KALRN: variants seen among roughly 807,000 people sequenced by gnomAD.
The protein encoded by KALRN is kalirin RhoGEF kinase.
KALRN carries 70 observed loss-of-function variants against 353.7 expected under a neutral mutation model. The observed-to-expected ratio is 0.20, with a 90% CI of 0.16 to 0.24. The LOEUF is 0.24. KALRN is among the 10% of genes least tolerant of loss of function. KALRN has a pLI of 1.00. For missense variants in KALRN, 2,791 were observed against 3,756.7 expected, an observed-to-expected ratio of 0.74 and a Z score of 6.72; for synonymous variants, 1,391 against 1,434.8, an observed-to-expected ratio of 0.97 and a Z score of 0.69.
chr3:124,505,063 C>G, intron 33 of KALRN: 1 of 460,720 alleles, frequency 2.2e-6, no homozygotes, highest in Non-Finnish European at 4.5e-6. Flanking sequence ...GAAGTGGTGG[C>G]TTTCAGGGCA....
chr3:124,496,000 T>TACATAC (rs2063772584), intron 32 of KALRN, among the ~76,000 whole-genome samples: 1 of 56,446 alleles, frequency 1.8e-5, no homozygotes. Flanking sequence ...TATATATATA[T>TACATAC]ATATATATAT....
At chr3:124,659,201 A>G (rs952380033) in intron 42 of KALRN, among the ~76,000 whole-genome samples, 164 bp from the exon 43 acceptor site, 2 of 151,998 alleles carry the variant, frequency 1.3e-5, no homozygotes, top group South Asian at 4.1e-4. Context: ...GTTGTTCATA[A>G]CAAGTGAACA....
chr3:124,609,042 T>A (rs2077655190), intron 34 of KALRN, among the ~76,000 whole-genome samples: 1 of 152,190 alleles, frequency 6.6e-6, no homozygotes, highest in Non-Finnish European at 1.5e-5. Flanking sequence ...GTCAGCGGAC[T>A]GAAGAAAGGT....
intron 3 of KALRN, 25 bp downstream of exon 3, chr3:124,234,968 A>G (rs1269183131): frequency 1.3e-6 from 2 of 1,542,882 alleles, no homozygotes; most frequent in African/African-American, 1.4e-5. Context: ...AATGGCCTGC[A>G]GGGGAGCGGG....
chr3:124,560,382 G>C lies in KALRN; in HGVS notation c.4936-2461G>C, dbSNP rs61092871. ...CTCTACTGAGGTGCAGAAGCTCAGT[G>C]ATAGAGAGTCTCTCAGTTAGAAAGA... On this transcript the variant is annotated intron_variant, in intron 33 of 59. Coordinates refer to ENST00000682506, the MANE Select transcript of KALRN (RefSeq NM_001388419.1). Among the ~76,000 whole-genome samples the C allele has an allele frequency of 3.7e-4, 57 of 152,382 alleles. No homozygotes were observed. The East Asian group carries it at 0.01, about 27-fold the overall frequency.
intron 1 of KALRN, among the ~76,000 whole-genome samples, chr3:124,091,598 A>G (rs2149366273): frequency 6.6e-6 from 1 of 152,288 alleles, no homozygotes; most frequent in East Asian, 1.9e-4. Context: ...GAACACATCC[A>G]TGTTGTGATA....
chr3:124,611,489 C>G (rs1358690926), intron 34 of KALRN, among the ~76,000 whole-genome samples: 1 of 152,172 alleles, frequency 6.6e-6, no homozygotes, highest in African/African-American at 2.4e-5. Context: ...ATGTAGTAAG[C>G]TGTTTCTCCC....
chr3:124,348,507 G>A (rs186322305), intron 10 of KALRN, among the ~76,000 whole-genome samples: 14 of 152,300 alleles, frequency 9.2e-5, no homozygotes, highest in Admixed American at 5.2e-4. Flanking sequence ...TGTCAGTGGC[G>A]ACCTGAGCCC....
intron 33 of KALRN, among the ~76,000 whole-genome samples, chr3:124,510,283 C>T (rs532525558): frequency 6.6e-6 from 1 of 152,120 alleles, no homozygotes; most frequent in South Asian, 2.1e-4. Context: ...GTGTTGGGAG[C>T]AAGGAGGAAG....
intron 34 of KALRN, among the ~76,000 whole-genome samples, chr3:124,571,358 T>G (rs2073489094): frequency 6.6e-6 from 1 of 152,206 alleles, no homozygotes; most frequent in Non-Finnish European, 1.5e-5. Context: ...AACTTCACAG[T>G]CCATCCTTAC....
intron 34 of KALRN, among the ~76,000 whole-genome samples, chr3:124,607,053 A>C (rs536468941): frequency 6.6e-6 from 1 of 152,250 alleles, no homozygotes; most frequent in African/African-American, 2.4e-5. Flanking sequence ...CTTTTGACTC[A>C]TCAATACCAC....
At chr3:124,355,746 C>T (rs1204160428) in intron 10 of KALRN, among the ~76,000 whole-genome samples, 10 of 121,068 alleles carry the variant, frequency 8.3e-5, no homozygotes, top group South Asian at 2.7e-4. Flanking sequence ...GACAGAGTCT[C>T]GCTCTGTCAC....
chr3:124,534,800 G>A (rs899232923), intron 33 of KALRN, among the ~76,000 whole-genome samples: 7 of 151,976 alleles, frequency 4.6e-5, no homozygotes, highest in Non-Finnish European at 1.0e-4. Context: ...TTTTTTAATG[G>A]GCAAAATATA....
chr3:124,674,566 C>A lies in KALRN; in HGVS notation c.7145C>A (p.Ala2382Glu), dbSNP rs143716563. 3.3e-5 allele frequency: 53 copies of A among 1,608,042 alleles called. No individual in the cohort carries two copies. The highest frequency in any genetic ancestry group is 4.2e-5 in the Non-Finnish European group (50 of 1,176,836). ...AEGWVPGSIL[A>E]PLTKATAAES... ...GGCTGGGTCCCAGGCAGCATCCTGG[C>A]GCCCCTCACCAAAGCCACAGCAGCA... is the stretch of plus-strand genomic sequence containing the variant. The change falls in exon 49 of 60, where the codon GCG becomes GAG. Residue 2382 changes from alanine to glutamate, a missense_variant. Coordinates refer to ENST00000682506, the MANE Select transcript of KALRN (RefSeq NM_001388419.1).
intron 19 of KALRN, 133 bp downstream of exon 19, chr3:124,442,192 G>A (rs1438500683): frequency 1.8e-6 from 1 of 544,332 alleles, no homozygotes; most frequent in Non-Finnish European, 3.3e-6. Flanking sequence ...TATGATGTGG[G>A]ATGGTGTGGG....
At chr3:124,287,770 G>GATATATATATAT (rs58694397) in intron 5 of KALRN, among the ~76,000 whole-genome samples, 2 of 114,618 alleles carry the variant, frequency 1.7e-5, no homozygotes, top group African/African-American at 3.6e-5. Flanking sequence ...GGCCTAGGAA[G>GATATATATATAT]ATATATATAT....
intron 36 of KALRN, among the ~76,000 whole-genome samples, chr3:124,635,062 C>G (rs1210176663): frequency 6.6e-6 from 1 of 152,154 alleles, no homozygotes; most frequent in Non-Finnish European, 1.5e-5. Context: ...GGCAGCTGCC[C>G]CCATGATGTG....
chr3:124,469,570 T>C (rs2060685702), intron 25 of KALRN, among the ~76,000 whole-genome samples: 1 of 152,212 alleles, frequency 6.6e-6, no homozygotes. Context: ...CTAGCTCTAC[T>C]TGCATGAAGG....
chr3:124,444,797 C>CA (rs11370484), intron 19 of KALRN, among the ~76,000 whole-genome samples: 23,081 of 101,624 alleles, frequency 0.23, 3,077 homozygotes, highest in East Asian at 0.59. Context: ...AAGACCCTGT[C>CA]AAAAAAAAAA....
Sources: allele counts gnomAD v4.1 joint callset (sites outside exome capture counted in the v4.1 genomes callset), GRCh38; gene constraint gnomAD v4.1.1; transcripts MANE v1.5; gene names NCBI Gene and HGNC (gene_info 2026-07-23, HGNC 2026-07-21).